Variants in TAF1D observed in about 807,000 individuals in gnomAD.
The protein encoded by TAF1D is TATA box-binding protein-associated factor RNA polymerase I subunit D.
Under a neutral mutation model 26.2 loss-of-function variants are expected in TAF1D, and 23 were observed. The observed-to-expected ratio is 0.88, with a 90% CI of 0.63 to 1.25. The LOEUF is 1.25. TAF1D is among the 50% of genes most tolerant of loss of function. TAF1D has a pLI of 0.00. For missense variants in TAF1D, 299 were observed against 322.0 expected, an observed-to-expected ratio of 0.93 and a Z score of 0.55; for synonymous variants, 100 against 105.6, an observed-to-expected ratio of 0.95 and a Z score of 0.33.
chr11:93,732,195 C>T (rs1423868207), downstream of TAF1D: 4 of 498,984 alleles, frequency 8.0e-6, no homozygotes, highest in South Asian at 2.9e-5. Context: ...GCTGGCAGTG[C>T]TACTGATAGA....
downstream of TAF1D, chr11:93,731,602 A>T (rs1938877390): frequency 1.9e-6 from 1 of 517,864 alleles, no homozygotes; most frequent in South Asian, 1.4e-5. Flanking sequence ...ACACATAATA[A>T]CGTAAGCCTA....
At chr11:93,731,822 T>C (rs565962190), downstream of TAF1D, 6 of 356,322 alleles carry the variant, frequency 1.7e-5, no homozygotes, top group East Asian at 3.7e-4. Context: ...TTGTACAAAG[T>C]ACAGTTACAT....
intron 3 of TAF1D, 121 bp downstream of exon 3, chr11:93,737,988 A>G (rs1941144432): frequency 8.6e-7 from 1 of 1,168,474 alleles, no homozygotes; most frequent in Non-Finnish European, 1.2e-6. Context: ...GTCAGTATAG[A>G]AGAGTATCAA....
chr11:93,735,500 G>C (rs1940571102), downstream of TAF1D: 1 of 409,504 alleles, frequency 2.4e-6, no homozygotes, highest in Non-Finnish European at 3.3e-6. Flanking sequence ...GTGAAAGCCT[G>C]TCTCTACTAA....
At chr11:93,734,475 T>G (rs897657817), downstream of TAF1D, 1 of 364,628 alleles carries the variant, frequency 2.7e-6, no homozygotes, top group African/African-American at 2.1e-5. Context: ...ATAAAATGTG[T>G]GAATCTAGGA....
chr11:93,741,365 G>C lies in TAF1D; in HGVS notation c.-71C>G. On this transcript the variant is annotated 5_prime_UTR_variant, in exon 1 of 6. Transcript: ENST00000448108. ...GGCCCCAACCGCGCACTTGCTGCTT[G>C]TAACCCAGGCCTCGGCCCAAAACCC... is the stretch of plus-strand genomic sequence containing the variant. 4.4e-6 allele frequency: 2 copies of C among 453,538 alleles called. No individual in the cohort carries two copies. Among genetic ancestry groups the C allele is most frequent in the Non-Finnish European group, 4.4e-6 (1 of 226,388 alleles). The allele number at this position is 453,538 out of a possible 1,614,324, so 28.1% of individuals were successfully genotyped here.
downstream of TAF1D, chr11:93,732,749 C>T (rs768453426): frequency 3.2e-5 from 7 of 219,380 alleles, no homozygotes; most frequent in East Asian, 1.1e-4. Flanking sequence ...AGACAACAAA[C>T]GTCAAGCTCA....
rs554620097 is a variant in TAF1D, at chr11:93,741,489, G to A, written c.-195C>T. ...GCCGACCTCCTCCAACCGTGCGGAA[G>A]AAAAGGGTTGGCTATTTCCGTGGCC... On this transcript the variant is annotated 5_prime_UTR_variant, in exon 1 of 6. Transcript: ENST00000448108. 7.2e-5 allele frequency: 33 copies of A among 456,164 alleles called. No individual in the cohort carries two copies. The highest frequency in any genetic ancestry group is 3.1e-4 in the Admixed American group (13 of 42,560). 28.3% of individuals were successfully genotyped at this position (456,164 alleles called of 1,614,324 possible).
chr11:93,731,422 C>A, downstream of TAF1D: 2 of 496,962 alleles, frequency 4.0e-6, no homozygotes. Flanking sequence ...TCCGAATTTG[C>A]TCTATGATCA....
chr11:93,734,712 A>G, downstream of TAF1D: 1 of 1,286,758 alleles, frequency 7.8e-7, no homozygotes, highest in Admixed American at 2.3e-5. Context: ...TTGGAATGCA[A>G]AATTAATACT....
At chr11:93,738,640 CAG>C in intron 2 of TAF1D, 141 bp from the exon 3 acceptor site, 1 of 763,588 alleles carries the variant, frequency 1.3e-6, no homozygotes, top group South Asian at 2.2e-5. Context: ...AGGATGGGCT[CAG>C]AACCAGCTAG....
chr11:93,739,975 A>AC (rs1419147454), intron 1 of TAF1D, among the ~76,000 whole-genome samples: 3 of 150,550 alleles, frequency 2.0e-5, no homozygotes, highest in African/African-American at 4.9e-5. Flanking sequence ...AAAAAAAAAA[A>AC]AAAAAAAGAA....
At chr11:93,740,255 CA>C (rs766316180) in intron 1 of TAF1D, among the ~76,000 whole-genome samples, 34 of 151,628 alleles carry the variant, frequency 2.2e-4, no homozygotes, top group Non-Finnish European at 4.7e-4. Flanking sequence ...TGAGCCTCAG[CA>C]ACACAAGGAG....
At chr11:93,739,081 C>T in intron 2 of TAF1D, 156 bp downstream of exon 2, 1 of 581,430 alleles carries the variant, frequency 1.7e-6, no homozygotes, top group Non-Finnish European at 3.0e-6. Flanking sequence ...ATTTGCAATG[C>T]TATTATATCA....
In TAF1D at chr11:93,737,229, G is replaced by C. The variant is rs745308378; in HGVS notation, c.470C>G (p.Ala157Gly). The C allele has an allele frequency of 2.3e-5, 37 of 1,600,860 alleles. No individual in the cohort carries two copies. The highest frequency in any genetic ancestry group is 1.0e-4 in the Admixed American group (6 of 57,750). ...TTCAATATAGTTAAAAAATCCTCTT[G>C]CAACAGCTTGCTATATATTAAAAAC... ...RKILTFEQAV[A>G]RGFFNYIEKL... is the part of the protein sequence containing the mutation. Residue 157 changes from alanine to glycine, a missense_variant, in exon 4 of 6, where the codon GCA becomes GGA. Physicochemically the swap from Ala to Gly is moderately conservative, Grantham distance 60. Coordinates refer to ENST00000448108, the MANE Select transcript of TAF1D (RefSeq NM_024116.4).
chr11:93,739,987 A>G (rs950665259), intron 1 of TAF1D, among the ~76,000 whole-genome samples: 11 of 151,126 alleles, frequency 7.3e-5, no homozygotes, highest in Admixed American at 2.0e-4. Flanking sequence ...AAAAAAGAAA[A>G]AGATTCCTTC....
chr11:93,731,301 A>C, downstream of TAF1D: 1 of 345,222 alleles, frequency 2.9e-6, no homozygotes, highest in Non-Finnish European at 5.7e-6. Flanking sequence ...TTAGGTTCCA[A>C]AGTATCCTGA....
At chr11:93,732,840 T>C (rs575069608), downstream of TAF1D, 321 of 236,310 alleles carry the variant, frequency 1.4e-3, 5 homozygotes, top group South Asian at 0.016. Flanking sequence ...CACACAGGTT[T>C]ACGTGACTTT....
In TAF1D at chr11:93,737,209, T is replaced by C; in HGVS notation, c.490A>G (p.Ile164Val). 1 of 1,605,766 alleles carries C rather than the reference T, an allele frequency of 6.2e-7. No homozygotes were observed. The highest frequency in any genetic ancestry group is 1.3e-5 in the African/African-American group (1 of 74,574). ...TGGTGTTCATACTTCAGTTTTTCAA[T>C]ATAGTTAAAAAATCCTCTTGCAACA... ...QAVARGFFNY[I>V]EKLKYEHHLK... Residue 164 changes from isoleucine to valine, a missense_variant, in exon 4 of 6, where the codon ATT becomes GTT. Ile to Val is a conservative substitution (Grantham distance 29, BLOSUM62 3). Coordinates refer to ENST00000448108, the MANE Select transcript of TAF1D (RefSeq NM_024116.4).
Sources: gnomAD v4.1 joint callset for allele counts (sites outside exome capture counted in the v4.1 genomes callset) on GRCh38, gnomAD v4.1.1 for gene constraint, MANE v1.5 for transcripts, NCBI Gene and HGNC (gene_info 2026-07-23, HGNC 2026-07-21) for gene names.